NXPE2: variants seen among roughly 807,000 people sequenced by gnomAD.
The protein encoded by NXPE2 is NXPE family member 2.
Under a neutral mutation model 34.4 loss-of-function variants are expected in NXPE2, and 34 were observed. That is an observed-to-expected ratio of 0.99 (90% CI 0.75 to 1.31). NXPE2 has a LOEUF of 1.31. NXPE2 is among the 40% of genes most tolerant of loss of function. The pLI, the probability that NXPE2 is intolerant of heterozygous loss-of-function variation, is 0.00. For synonymous variants in NXPE2, 235 were observed against 231.3 expected (o/e 1.02, Z -0.15); for missense variants, 649 against 672.5 (o/e 0.97, Z 0.39).
At chr11:114,468,558 C>T in the NXPE2 span, among the ~76,000 whole-genome samples, 2 of 152,054 alleles carry the variant, frequency 1.3e-5, no homozygotes, top group Non-Finnish European at 2.9e-5. Flanking sequence ...GGTGGTTTTG[C>T]CCCCCAGGGG....
the NXPE2 span, among the ~76,000 whole-genome samples, chr11:114,763,218 C>T: frequency 2.6e-5 from 4 of 152,118 alleles, no homozygotes; most frequent in Non-Finnish European, 4.4e-5. Flanking sequence ...TATTTGTTCC[C>T]TCAGCACCCT....
At chr11:114,734,572 C>T in the NXPE2 span, among the ~76,000 whole-genome samples, 2 of 152,112 alleles carry the variant, frequency 1.3e-5, no homozygotes, top group African/African-American at 4.8e-5. Flanking sequence ...CTTTATTATA[C>T]ACCATTTATC....
the NXPE2 span, among the ~76,000 whole-genome samples, chr11:114,762,395 A>G: frequency 6.6e-6 from 1 of 152,228 alleles, no homozygotes; most frequent in Non-Finnish European, 1.5e-5. Context: ...CTGTGAGGCA[A>G]TGAGGCTTAT....
chr11:114,618,773 A>T, the NXPE2 span, among the ~76,000 whole-genome samples: 1 of 152,046 alleles, frequency 6.6e-6, no homozygotes, highest in Non-Finnish European at 1.5e-5. Context: ...TATCTGGTGG[A>T]TAAAAAGTGT....
chr11:114,655,089 TTC>T, the NXPE2 span, among the ~76,000 whole-genome samples: 1 of 152,190 alleles, frequency 6.6e-6, no homozygotes, highest in African/African-American at 2.4e-5. Flanking sequence ...GAGCTTTTTT[TTC>T]TTCATATGTT....
At chr11:114,633,017 A>ATATAATATATAATAATATATATTATATAT in the NXPE2 span, among the ~76,000 whole-genome samples, 7 of 106,654 alleles carry the variant, frequency 6.6e-5, no homozygotes, top group South Asian at 2.6e-4. Flanking sequence ...ATATTATATA[A>ATATAATATATAATAATATATATTATATAT]TATATAATGT....
At chr11:114,597,342 T>C in the NXPE2 span, among the ~76,000 whole-genome samples, 9 of 152,144 alleles carry the variant, frequency 5.9e-5, no homozygotes, top group Admixed American at 4.6e-4. Flanking sequence ...GAAATCTGAA[T>C]GATATTAACC....
the NXPE2 span, among the ~76,000 whole-genome samples, chr11:114,765,736 T>C: frequency 2.0e-5 from 3 of 152,312 alleles, no homozygotes; most frequent in African/African-American, 7.2e-5. Context: ...TCTCCTCCTA[T>C]CCTCTGAGAT....
chr11:114,731,522 C>T, the NXPE2 span, among the ~76,000 whole-genome samples: 67 of 152,292 alleles, frequency 4.4e-4, 2 homozygotes, highest in South Asian at 0.014. Flanking sequence ...TACATCCATA[C>T]TATGGAACAG....
the NXPE2 span, among the ~76,000 whole-genome samples, chr11:114,768,873 C>T: frequency 2.0e-5 from 3 of 152,026 alleles, no homozygotes; most frequent in South Asian, 2.1e-4. Flanking sequence ...AAAATCTAGG[C>T]AATACCATTC....
chr11:114,577,987 C>T, the NXPE2 span, among the ~76,000 whole-genome samples: 3 of 152,162 alleles, frequency 2.0e-5, no homozygotes, highest in Non-Finnish European at 2.9e-5. Context: ...AGGATCCTCT[C>T]ATGTATATTT....
the NXPE2 span, among the ~76,000 whole-genome samples, chr11:114,516,556 T>C: frequency 1.3e-5 from 2 of 152,174 alleles, no homozygotes; most frequent in Non-Finnish European, 2.9e-5. Context: ...ATTGCATAAG[T>C]GGAGAAAGCA....
the NXPE2 span, among the ~76,000 whole-genome samples, chr11:114,624,583 T>C: frequency 6.6e-6 from 1 of 151,684 alleles, no homozygotes; most frequent in Non-Finnish European, 1.5e-5. Context: ...GTAACCACTG[T>C]TAACTGGTGG....
At chr11:114,779,464 G>A in the NXPE2 span, among the ~76,000 whole-genome samples, 2 of 152,154 alleles carry the variant, frequency 1.3e-5, no homozygotes, top group Non-Finnish European at 2.9e-5. Flanking sequence ...GGTAGTGGGT[G>A]CCAGGAGCCA....
chr11:114,512,935 T>C, the NXPE2 span: 3 of 312,094 alleles, frequency 9.6e-6, no homozygotes, highest in Non-Finnish European at 1.9e-5. Flanking sequence ...GCTGGAAAAC[T>C]GGCCCTTGAA....
At chr11:114,734,272 TTAATC>T in the NXPE2 span, among the ~76,000 whole-genome samples, 47 of 152,324 alleles carry the variant, frequency 3.1e-4, no homozygotes, top group Middle Eastern at 3.4e-3. Flanking sequence ...TTTAGATACT[TTAATC>T]TGATATAAAT....
At chr11:114,620,239 A>G in the NXPE2 span, among the ~76,000 whole-genome samples, 1 of 152,020 alleles carries the variant, frequency 6.6e-6, no homozygotes, top group Admixed American at 6.6e-5. Context: ...TATCCGTTGG[A>G]TAATAATTAT....
chr11:114,577,567 A>T, the NXPE2 span, among the ~76,000 whole-genome samples: 1 of 152,160 alleles, frequency 6.6e-6, no homozygotes, highest in South Asian at 2.1e-4. Flanking sequence ...CTTAAAAATT[A>T]AAAAAGTGTT....
chr11:114,637,438 T>C, the NXPE2 span, among the ~76,000 whole-genome samples: 1 of 152,080 alleles, frequency 6.6e-6, no homozygotes, highest in Non-Finnish European at 1.5e-5. Context: ...CTGTGTCTTT[T>C]AATTGGAGCA....
Sources: allele counts gnomAD v4.1 joint callset (sites outside exome capture counted in the v4.1 genomes callset), GRCh38; gene constraint gnomAD v4.1.1; transcripts MANE v1.5; gene names NCBI Gene and HGNC (gene_info 2026-07-23, HGNC 2026-07-21).